Variants in ZNF160 observed in about 807,000 individuals in gnomAD.
ZNF160 encodes the protein KRAB zinc finger protein KR18.
Under a neutral mutation model 13.1 loss-of-function variants are expected in ZNF160, and 9 were observed. The ratio of observed to expected loss-of-function variants is 0.69; its 90% CI spans 0.41 to 1.20. ZNF160 has a LOEUF of 1.20. ZNF160 is among the 50% of genes most tolerant of loss of function. The pLI is 0.01. For synonymous variants in ZNF160, 293 were observed against 333.2 expected, an observed-to-expected ratio of 0.88 and a Z score of 1.31; for missense variants, 838 against 988.0, an observed-to-expected ratio of 0.85 and a Z score of 2.04.
intron 3 of ZNF160, among the ~76,000 whole-genome samples, chr19:53,080,699 T>C (rs1172316780): frequency 2.0e-5 from 3 of 152,188 alleles, no homozygotes; most frequent in South Asian, 4.1e-4. Context: ...CAACATCACT[T>C]TTCACAGAAT....
chr19:53,075,103 TA>T lies in ZNF160; in HGVS notation c.95del (p.Leu32TyrfsTer5). 1 of 1,614,184 alleles carries T rather than the reference TA, an allele frequency of 6.2e-7. No homozygotes were observed. The highest frequency in any genetic ancestry group is 1.1e-5 in the South Asian group (1 of 91,082). ...WKCLDPAQRI[L>X]YRDVMLENYW... Reference sequence around the variant, plus strand: ...AGTTCTCCAACATCACGTCCCTGTATAAGATCCTCTGAGCAGGGTCCAGGCA... The same window carrying T: ...AGTTCTCCAACATCACGTCCCTGTATAGATCCTCTGAGCAGGGTCCAGGCA... On this transcript the variant is annotated frameshift_variant, in exon 4 of 6. Transcript: ENST00000683776. LOFTEE classifies it high-confidence loss of function.
chr19:53,099,391 T>G (rs945717275), intron 1 of ZNF160, among the ~76,000 whole-genome samples: 1 of 152,152 alleles, frequency 6.6e-6, no homozygotes, highest in Non-Finnish European at 1.5e-5. Flanking sequence ...AGTCATGAGA[T>G]GAGGGCAAGC....
At chr19:53,083,110 G>A (rs940231209) in intron 3 of ZNF160, among the ~76,000 whole-genome samples, 1 of 152,148 alleles carries the variant, frequency 6.6e-6, no homozygotes, top group Non-Finnish European at 1.5e-5. Flanking sequence ...GAATCTCCAC[G>A]TGTTCACCTA....
chr19:53,074,835 T>C (rs2084324143), intron 4 of ZNF160, among the ~76,000 whole-genome samples: 1 of 152,072 alleles, frequency 6.6e-6, no homozygotes, highest in South Asian at 2.1e-4. Flanking sequence ...GTATTATGCA[T>C]ACAAAAGCTC....
At chr19:53,070,398 T>C in intron 5 of ZNF160, 136 bp from the exon 6 acceptor site, 1 of 980,732 alleles carries the variant, frequency 1.0e-6, no homozygotes, top group Non-Finnish European at 1.4e-6. Context: ...TGAATTTCAA[T>C]TGTTAGGAAC....
intron 1 of ZNF160, among the ~76,000 whole-genome samples, chr19:53,097,743 A>G (rs2085290389): frequency 6.6e-6 from 1 of 152,244 alleles, no homozygotes; most frequent in South Asian, 2.1e-4. Flanking sequence ...TCTGCAACTG[A>G]AAATACCCCG....
At chr19:53,093,232 G>T (rs2085099695) in intron 1 of ZNF160, among the ~76,000 whole-genome samples, 2 of 152,206 alleles carry the variant, frequency 1.3e-5, no homozygotes, top group African/African-American at 4.8e-5. Flanking sequence ...CTGAGGTCAG[G>T]AGTTCAAAAC....
At chr19:53,098,465 T>C (rs1449044647) in intron 1 of ZNF160, among the ~76,000 whole-genome samples, 1 of 152,060 alleles carries the variant, frequency 6.6e-6, no homozygotes, top group African/African-American at 2.4e-5. Flanking sequence ...AAGTTGGCCA[T>C]GCTGGAAGGA....
chr19:53,068,623 T>C lies in ZNF160; in HGVS notation c.1911A>G (p.Ala637=), dbSNP rs778744121. 2 of 1,613,832 alleles carry C rather than the reference T, an allele frequency of 1.2e-6. No homozygotes were observed. Among genetic ancestry groups the C allele is most frequent in the South Asian group, 2.2e-5 (2 of 91,052 alleles). ...GKVFRHNSYL[A]THRRIHTGEK... ...CTCCAGTATGAATTCGCCGATGAGT[T>C]GCAAGGTATGAATTGTGCCTAAAAA... Residue 637 remains alanine, a synonymous_variant, in exon 6 of 6, where the codon GCA becomes GCG. Coordinates refer to ENST00000683776, the MANE Select transcript of ZNF160 (RefSeq NM_001322131.2).
At chr19:53,098,646 T>C (rs2085326031) in intron 1 of ZNF160, among the ~76,000 whole-genome samples, 1 of 151,760 alleles carries the variant, frequency 6.6e-6, no homozygotes, top group African/African-American at 2.4e-5. Context: ...ATTCCCCCGC[T>C]GTTTAGGGAG....
chr19:53,093,257 T>C (rs1232808344), intron 1 of ZNF160, among the ~76,000 whole-genome samples: 1 of 152,148 alleles, frequency 6.6e-6, no homozygotes, highest in African/African-American at 2.4e-5. Flanking sequence ...CTGGCCAACA[T>C]GGTGAAACGT....
At chr19:53,079,647 A>T (rs75095037) in intron 3 of ZNF160, among the ~76,000 whole-genome samples, 18,834 of 140,988 alleles carry the variant, frequency 0.13, 1,322 homozygotes, top group Non-Finnish European at 0.16. Flanking sequence ...ACCAAAAGGA[A>T]ACACAATAGC....
chr19:53,097,612 C>G (rs898674834), intron 1 of ZNF160, among the ~76,000 whole-genome samples: 1 of 152,160 alleles, frequency 6.6e-6, no homozygotes, highest in Non-Finnish European at 1.5e-5. Context: ...CAGGGGAATA[C>G]CACTGAAACC....
chr19:53,088,855 A>C (rs2084936796), intron 2 of ZNF160, among the ~76,000 whole-genome samples: 1 of 152,176 alleles, frequency 6.6e-6, no homozygotes, highest in Non-Finnish European at 1.5e-5. Context: ...ACCGTCTACA[A>C]AACAGAATCA....
intron 1 of ZNF160, among the ~76,000 whole-genome samples, chr19:53,098,344 T>C (rs2085312525): frequency 6.6e-6 from 1 of 152,178 alleles, no homozygotes. Context: ...TCTACTTCTC[T>C]TCCAGCCTGA....
At chr19:53,073,365 C>T in intron 5 of ZNF160, 1 of 1,598,392 alleles carries the variant, frequency 6.3e-7, no homozygotes, top group South Asian at 1.1e-5. Context: ...TCGCTTATCA[C>T]ACACCCCCAT....
At chr19:53,102,994 G>A (rs2085503416) in intron 1 of ZNF160, among the ~76,000 whole-genome samples, 2 of 152,200 alleles carry the variant, frequency 1.3e-5, no homozygotes, top group African/African-American at 2.4e-5. Flanking sequence ...GGCCTCCCCG[G>A]GACTGGGTCG....
intron 3 of ZNF160, among the ~76,000 whole-genome samples, chr19:53,078,569 G>A (rs1036342342): frequency 2.0e-5 from 3 of 152,110 alleles, no homozygotes; most frequent in African/African-American, 7.2e-5. Context: ...TCACACCACT[G>A]CACTCCAGCT....
In ZNF160 at chr19:53,090,037, C is replaced by T. The variant is rs551474747; in HGVS notation, c.-46+1376G>A. On this transcript the variant is annotated intron_variant, in intron 2 of 5. Transcript: ENST00000683776. ...CCTCTTTCTTCCCTCATCTTTGCTC[C>T]CCCTCTGCTCCCCCTATTAAATCCC... Among the ~76,000 whole-genome samples, 11 of 151,778 alleles carry T rather than the reference C, an allele frequency of 7.2e-5. No individual in the cohort carries two copies. The South Asian group carries it at 1.0e-3, about 14-fold the overall frequency.
Sources: allele counts gnomAD v4.1 joint callset (sites outside exome capture counted in the v4.1 genomes callset), GRCh38; gene constraint gnomAD v4.1.1; transcripts MANE v1.5; gene names NCBI Gene and HGNC (gene_info 2026-07-23, HGNC 2026-07-21).